Variants in GFM1 observed in about 807,000 individuals in gnomAD.
GFM1 encodes G elongation factor mitochondrial 1.
GFM1 carries 62 observed loss-of-function variants against 96.2 expected under a neutral mutation model. The ratio of observed to expected loss-of-function variants is 0.64; its 90% CI spans 0.53 to 0.80. The LOEUF (loss-of-function observed/expected upper bound fraction) is 0.80. Ranked by LOEUF, GFM1 falls within the 30% of genes least tolerant of loss-of-function variation. The probability of loss-of-function intolerance (pLI) is 0.00; values close to 1 mark genes in which losing one functional copy is unlikely to be tolerated. For synonymous variants in GFM1, 282 were observed against 312.9 expected, an observed-to-expected ratio of 0.90 and a Z score of 1.04; for missense variants, 852 against 916.6, an observed-to-expected ratio of 0.93 and a Z score of 0.91.
chr3:158,647,086 T>C (rs1721884413), intron 4 of GFM1, 139 bp downstream of exon 4: 1 of 708,982 alleles, frequency 1.4e-6, no homozygotes, highest in Non-Finnish European at 2.4e-6. Flanking sequence ...AGTTAGTAAG[T>C]GGAACACTGA....
Position 158,653,325 on chromosome 3 carries a change from G to A in GFM1, c.856G>A (p.Ala286Thr), listed in dbSNP as rs371938998. The change falls in exon 7 of 18, where the codon GCT (alanine) becomes ACT (threonine). Residue 286 changes from alanine (A) to threonine (T), a missense_variant. Ala to Thr is a moderately conservative substitution (Grantham distance 58). Coordinates refer to ENST00000486715, the MANE Select transcript of GFM1 (RefSeq NM_024996.7). Reference sequence around the variant, plus strand: ...TCTTTTGTAGCTAGCAATTCGAAGAGCTACTCTGAAAAGATCATTTACTCC... The same window carrying A: ...TCTTTTGTAGCTAGCAATTCGAAGAACTACTCTGAAAAGATCATTTACTCC... ...ISDLKLAIRR[A>T]TLKRSFTPVF... The A allele has an allele frequency of 6.2e-6, 10 of 1,613,018 alleles. No homozygotes were observed. The highest frequency in any genetic ancestry group is 2.7e-5 in the African/African-American group (2 of 74,874).
chr3:158,647,898 A>C (rs1215192399), intron 4 of GFM1, among the ~76,000 whole-genome samples: 2 of 152,180 alleles, frequency 1.3e-5, no homozygotes, highest in Non-Finnish European at 2.9e-5. Flanking sequence ...AAAGCAGATA[A>C]AAATCTGGAA....
chr3:158,660,548 A>G (rs1723121588), intron 9 of GFM1: 1 of 317,284 alleles, frequency 3.2e-6, no homozygotes, highest in South Asian at 2.9e-5. Context: ...ATGCCCCGCC[A>G]GTACATGCCT....
At chr3:158,674,835 T>C (rs1042266369) in intron 13 of GFM1, among the ~76,000 whole-genome samples, 12 of 152,332 alleles carry the variant, frequency 7.9e-5, no homozygotes, top group Non-Finnish European at 1.5e-4. Context: ...AGATGATTCA[T>C]GAGACTAAGT....
At position 158,649,063 on chromosome 3, in the gene GFM1, G is replaced by A; in HGVS notation, c.595G>A (p.Ala199Thr). ...CAGGTCTAAACTAAATCATAATGCA[G>A]CGTTTATGCAGATACCCATGGGTTT... ...QMRSKLNHNA[A>T]FMQIPMGLEG... Residue 199 changes from alanine to threonine, a missense_variant, in exon 5 of 18, where the codon GCG becomes ACG. Ala to Thr is a moderately conservative substitution (Grantham distance 58, BLOSUM62 0). Coordinates refer to ENST00000486715, the MANE Select transcript of GFM1 (RefSeq NM_024996.7). The A allele has an allele frequency of 6.5e-7, 1 of 1,535,054 alleles. No individual in the cohort carries two copies. Among genetic ancestry groups the A allele is most frequent in the Non-Finnish European group, 9.0e-7 (1 of 1,108,478 alleles).
rs1359608487 is a variant in GFM1 at position 158,662,654 on chromosome 3, C to T, written c.1350C>T (p.Val450=). ...AGTCAATTCATGTTCCTGATCCTGT[C>T]ATTTCAATAGCAATGAAGCCTTCTA... ...SMESIHVPDP[V]ISIAMKPSNK... is the part of the protein sequence containing the mutation. Residue 450 remains valine (V), a synonymous_variant, in exon 11 of 18, where the codon GTC becomes GTT. Coordinates refer to ENST00000486715, the MANE Select transcript of GFM1 (RefSeq NM_024996.7). 1.9e-6 allele frequency: 3 copies of T among 1,598,702 alleles called. No homozygotes were observed. The highest frequency in any genetic ancestry group is 2.7e-5 in the African/African-American group (2 of 74,624).
chr3:158,647,036 A>G, intron 4 of GFM1, 89 bp downstream of exon 4: 1 of 1,021,188 alleles, frequency 9.8e-7, no homozygotes, highest in East Asian at 2.5e-5. Flanking sequence ...CTGTCATTAA[A>G]CTTTATTCTT....
intron 13 of GFM1, 40 bp from the exon 14 acceptor site, chr3:158,681,955 T>C: frequency 1.3e-6 from 2 of 1,527,782 alleles, no homozygotes; most frequent in Non-Finnish European, 9.0e-7. Context: ...ATTTTGTAAT[T>C]ACATAATGCT....
Position 158,691,481 on chromosome 3 carries a change from G to C in GFM1, c.*14G>C, listed in dbSNP as rs1332493746. On this transcript the variant is annotated 3_prime_UTR_variant, in exon 18 of 18. Transcript: ENST00000486715. ...GCCAAGAACTAACTTTGCTTACTGTGAGTTGACTGACTCTAATTGAATCTG... is the reference window on the plus strand; with the variant it reads ...GCCAAGAACTAACTTTGCTTACTGTCAGTTGACTGACTCTAATTGAATCTG... 2.5e-6 allele frequency: 4 copies of C among 1,612,838 alleles called. No individual in the cohort carries two copies. The highest frequency in any genetic ancestry group is 3.4e-6 in the Non-Finnish European group (4 of 1,179,434).
At position 158,675,161 on chromosome 3, in the gene GFM1, C is replaced by T. The variant is rs187059622; in HGVS notation, c.1602-6834C>T. ...AATTAGCCGGGCGTGGCGGCGGGCG[C>T]CTGTAATCCCAGCTACTCGGGAGGC... On this transcript the variant is annotated intron_variant, in intron 13 of 17. Transcript: ENST00000486715. Among the ~76,000 whole-genome samples the T allele has an allele frequency of 5.8e-3, 854 of 148,410 alleles. 15 individuals carry two copies. The highest frequency in any genetic ancestry group is 0.022 in the African/African-American group (825 of 38,116).
rs1163420614 is a variant in GFM1, at chr3:158,653,474, C to G, written c.998+7C>G. The G allele has an allele frequency of 3.7e-6, 6 of 1,604,194 alleles. No homozygotes were observed. Among genetic ancestry groups the G allele is most frequent in the Non-Finnish European group, 5.1e-6 (6 of 1,171,416 alleles). ...CTATTCTCAATAAAGAGGAGTAAGT[C>G]TTGAAAATTGAATCTTAGTTTATGC... On this transcript the variant is annotated splice_region_variant and intron_variant, in intron 7 of 17. Transcript: ENST00000486715.
intron 14 of GFM1, 151 bp from the exon 15 acceptor site, chr3:158,684,373 T>A: frequency 6.8e-6 from 5 of 731,366 alleles, no homozygotes; most frequent in Non-Finnish European, 6.8e-6. Flanking sequence ...AATAGTAAAG[T>A]TGTTAAACAT....
At chr3:158,652,073 C>T in intron 5 of GFM1, 23 bp from the exon 6 acceptor site, 1 of 1,609,768 alleles carries the variant, frequency 6.2e-7, no homozygotes, top group East Asian at 2.2e-5. Context: ...ATCCTTAAAG[C>T]ACCAAAATAT....
Position 158,684,680 on chromosome 3 carries a change from C to T in GFM1, c.1909+12C>T. Reference sequence around the variant, plus strand: ...TGCTCTTAAACAAGGTATGCTGGGTCCGGGCACCTTAGCCTGTCTGTTTTC... The same window carrying T: ...TGCTCTTAAACAAGGTATGCTGGGTTCGGGCACCTTAGCCTGTCTGTTTTC... On this transcript the variant is annotated intron_variant, in intron 15 of 17. Coordinates refer to ENST00000486715, the MANE Select transcript of GFM1 (RefSeq NM_024996.7). 1.2e-6 allele frequency: 2 copies of T among 1,613,724 alleles called. No individual in the cohort carries two copies. Among genetic ancestry groups the T allele is most frequent in the Non-Finnish European group, 1.7e-6 (2 of 1,179,848 alleles).
chr3:158,684,900 A>C lies in GFM1; in HGVS notation c.1909+232A>C, dbSNP rs115801127. ...CCTACATTCTCTGGGGCTTTCTTTC[A>C]TGTATTTGAATTCATAGATAATTTA... is the stretch of plus-strand genomic sequence containing the variant. On this transcript the variant is annotated intron_variant, in intron 15 of 17. Transcript: ENST00000486715. 2,886 of 446,978 alleles carry C rather than the reference A, an allele frequency of 6.5e-3. 55 individuals carry two copies. Among genetic ancestry groups the C allele is most frequent in the African/African-American group, 0.051 (2,581 of 50,754 alleles). 27.7% of individuals were successfully genotyped at this position (446,978 alleles called of 1,614,324 possible).
chr3:158,652,355 A>G, intron 6 of GFM1, 109 bp downstream of exon 6: 1 of 917,196 alleles, frequency 1.1e-6, no homozygotes, highest in Non-Finnish European at 1.7e-6. Context: ...ATGAAATCTC[A>G]ATACATTTAT....
intron 13 of GFM1, among the ~76,000 whole-genome samples, chr3:158,677,542 C>T (rs1461012376): frequency 1.3e-5 from 2 of 152,132 alleles, no homozygotes; most frequent in African/African-American, 2.4e-5. Flanking sequence ...ACTCTGTCGT[C>T]CAGGCTGGAG....
At chr3:158,658,284 A>T (rs1166632111) in intron 8 of GFM1, among the ~76,000 whole-genome samples, 2 of 148,368 alleles carry the variant, frequency 1.3e-5, no homozygotes, top group East Asian at 4.0e-4. Context: ...TTCCTGCCTC[A>T]GCTTCCCGAG....
chr3:158,690,316 A>G lies in GFM1; in HGVS notation c.2063A>G (p.Tyr688Cys). Residue 688 changes from tyrosine (Y) to cysteine (C), a missense_variant, in exon 16 of 18, where the codon TAT (tyrosine) becomes TGT (cysteine). Tyr to Cys is a radical substitution (Grantham distance 194). Transcript: ENST00000486715. ...GGAGTTGAGGACTATTTTACACTGT[A>G]TGCAGATGTAAGTAGTCTTGGTCAT... ...QDGVEDYFTL[Y>C]ADVPLNDMFG... is the part of the protein sequence containing the mutation. The G allele has an allele frequency of 1.9e-6, 3 of 1,613,658 alleles. No homozygotes were observed. Among genetic ancestry groups the G allele is most frequent in the East Asian group, 2.2e-5 (1 of 44,864 alleles).
Sources: allele counts gnomAD v4.1 joint callset (sites outside exome capture counted in the v4.1 genomes callset), GRCh38; gene constraint gnomAD v4.1.1; transcripts MANE v1.5; gene names NCBI Gene and HGNC (gene_info 2026-07-23, HGNC 2026-07-21).